The following C1orf21 variants were observed in gnomAD, a reference collection of about 807,000 sequenced individuals.
C1orf21 encodes uncharacterized protein C1orf21.
C1orf21 carries 3 observed loss-of-function variants against 18.7 expected under a neutral mutation model. The observed-to-expected ratio is 0.16, with a 90% CI of 0.07 to 0.42. C1orf21 has a LOEUF of 0.42. Among genes scored for constraint, C1orf21 ranks in the 10% least tolerant of loss-of-function variants. C1orf21 has a pLI of 0.99. For synonymous variants in C1orf21, 41 were observed against 46.4 expected, an observed-to-expected ratio of 0.88 and a Z score of 0.47; for missense variants, 104 against 143.6, an observed-to-expected ratio of 0.72 and a Z score of 1.41.
intron 1 of C1orf21, among the ~76,000 whole-genome samples, chr1:184,396,094 C>G (rs1420797189): frequency 1.3e-5 from 2 of 152,120 alleles, no homozygotes; most frequent in Non-Finnish European, 2.9e-5. Context: ...ATTGATGTCG[C>G]TGGACTTTCC....
chr1:184,388,386 T>C (rs1321597994), intron 1 of C1orf21, among the ~76,000 whole-genome samples: 1 of 152,204 alleles, frequency 6.6e-6, no homozygotes, highest in Non-Finnish European at 1.5e-5. Context: ...TTGTTTTCAA[T>C]AGGAAGTCGG....
At chr1:184,592,871 C>T (rs1233326930) in intron 4 of C1orf21, among the ~76,000 whole-genome samples, 3 of 152,112 alleles carry the variant, frequency 2.0e-5, no homozygotes, top group Non-Finnish European at 4.4e-5. Context: ...TTTTTACTTT[C>T]AAAGAAAACT....
Position 184,508,493 on chromosome 1 carries a change from T to C in C1orf21, c.189+811T>C, listed in dbSNP as rs78695143. ...TCTCAATGTCATATAATACTTTCAC[T>C]TGACTTAAACTCGTTTTTTTATAAT... On this transcript the variant is annotated intron_variant, in intron 3 of 5. Coordinates refer to ENST00000235307, the MANE Select transcript of C1orf21 (RefSeq NM_030806.4). 5.7e-4 allele frequency among the ~76,000 whole-genome samples: 87 copies of C among 152,298 alleles called. No homozygotes were observed. The East Asian group carries it at 0.015, about 26-fold the overall frequency.
At chr1:184,397,331 A>T (rs1186718592) in intron 1 of C1orf21, among the ~76,000 whole-genome samples, 3 of 152,248 alleles carry the variant, frequency 2.0e-5, no homozygotes, top group Non-Finnish European at 2.9e-5. Flanking sequence ...TCACGCCTGT[A>T]ATCCCAGCAC....
chr1:184,578,580 A>G (rs1274144295), intron 3 of C1orf21, among the ~76,000 whole-genome samples: 1 of 152,186 alleles, frequency 6.6e-6, no homozygotes, highest in Non-Finnish European at 1.5e-5. Flanking sequence ...TTTGAAGTTT[A>G]AGCTCCAAAT....
At chr1:184,530,614 T>C (rs1292103650) in intron 3 of C1orf21, among the ~76,000 whole-genome samples, 1 of 150,274 alleles carries the variant, frequency 6.7e-6, no homozygotes, top group Non-Finnish European at 1.5e-5. Flanking sequence ...TTTTTTTTTT[T>C]TTTTGAGCTG....
chr1:184,457,423 C>A (rs936319639), intron 1 of C1orf21, among the ~76,000 whole-genome samples: 1 of 152,086 alleles, frequency 6.6e-6, no homozygotes, highest in Admixed American at 6.6e-5. Context: ...GACATGGATT[C>A]CAGCTGGAAG....
intron 3 of C1orf21, among the ~76,000 whole-genome samples, chr1:184,578,569 T>C (rs986915909): frequency 1.3e-5 from 2 of 152,222 alleles, no homozygotes; most frequent in African/African-American, 2.4e-5. Context: ...TTTTAGTTTG[T>C]TTTGAAGTTT....
chr1:184,542,224 G>A (rs1316252432), intron 3 of C1orf21, among the ~76,000 whole-genome samples: 1 of 152,136 alleles, frequency 6.6e-6, no homozygotes, highest in Admixed American at 6.5e-5. Context: ...TAAAAGACAG[G>A]GCAATTCATA....
chr1:184,514,707 T>A (rs1051832018), intron 3 of C1orf21, among the ~76,000 whole-genome samples: 1 of 152,180 alleles, frequency 6.6e-6, no homozygotes, highest in African/African-American at 2.4e-5. Context: ...GCATTGTTTA[T>A]GTTAGTGAAA....
intron 1 of C1orf21, among the ~76,000 whole-genome samples, chr1:184,406,863 C>T (rs1656256778): frequency 6.6e-6 from 1 of 152,160 alleles, no homozygotes; most frequent in African/African-American, 2.4e-5. Flanking sequence ...GGCATGATCA[C>T]AGCTCACAGC....
chr1:184,524,391 A>G (rs1207081943), intron 3 of C1orf21, among the ~76,000 whole-genome samples: 1 of 152,162 alleles, frequency 6.6e-6, no homozygotes, highest in African/African-American at 2.4e-5. Context: ...GAGAATTCCT[A>G]AGTAATGACC....
intron 3 of C1orf21, among the ~76,000 whole-genome samples, chr1:184,571,120 C>T (rs1052228449): frequency 2.6e-5 from 4 of 151,706 alleles, no homozygotes; most frequent in Admixed American, 6.6e-5. Flanking sequence ...GGTGAAACCC[C>T]GTCTCTACTA....
At chr1:184,463,082 C>CAAAAAA (rs397982231) in intron 1 of C1orf21, among the ~76,000 whole-genome samples, 34 of 80,166 alleles carry the variant, frequency 4.2e-4, no homozygotes, top group Non-Finnish European at 6.4e-4. Context: ...GACTCCATCT[C>CAAAAAA]AAAAAAAAAA....
chr1:184,471,718 T>A (rs1032274066), intron 1 of C1orf21, among the ~76,000 whole-genome samples: 41 of 152,174 alleles, frequency 2.7e-4, no homozygotes, highest in African/African-American at 8.5e-4. Context: ...TGGTTACATT[T>A]CTGAGAGACA....
chr1:184,582,825 T>G (rs971085526), intron 3 of C1orf21, among the ~76,000 whole-genome samples: 5 of 152,076 alleles, frequency 3.3e-5, no homozygotes, highest in South Asian at 2.1e-4. Context: ...GGGAATGTTT[T>G]TTTGTTTGTT....
chr1:184,599,323 T>C (rs1659556795), intron 5 of C1orf21: 1 of 152,260 alleles, frequency 6.6e-6, no homozygotes, highest in Non-Finnish European at 1.5e-5. Flanking sequence ...TTACTTTGTG[T>C]TGTCCTTTTA....
intron 2 of C1orf21, among the ~76,000 whole-genome samples, chr1:184,495,499 G>A (rs74131695): frequency 0.17 from 25,166 of 152,066 alleles, 2,390 homozygotes; most frequent in Admixed American, 0.29. Context: ...TTTCTGCTTT[G>A]CATTGTTACC....
At chr1:184,591,745 G>T (rs1382164293) in intron 4 of C1orf21, among the ~76,000 whole-genome samples, 1 of 151,970 alleles carries the variant, frequency 6.6e-6, no homozygotes, top group East Asian at 1.9e-4. Flanking sequence ...GGTGGAGCTT[G>T]CAGTGAGCAG....
Sources: allele counts gnomAD v4.1 joint callset (sites outside exome capture counted in the v4.1 genomes callset), GRCh38; gene constraint gnomAD v4.1.1; transcripts MANE v1.5; gene names NCBI Gene and HGNC (gene_info 2026-07-23, HGNC 2026-07-21).